Variants in MROH1 observed in about 807,000 individuals in gnomAD.
MROH1 encodes the protein maestro heat-like repeat-containing protein family member 1.
MROH1 carries 117 observed loss-of-function variants against 116.5 expected under a neutral mutation model. That is an observed-to-expected ratio of 1.00 (90% confidence interval 0.86 to 1.17). The LOEUF (loss-of-function observed/expected upper bound fraction) is 1.17. Among genes scored for constraint, MROH1 ranks in the 50% most tolerant of loss-of-function variants. The pLI, the probability that MROH1 is intolerant of heterozygous loss-of-function variation, is 0.00. For missense variants in MROH1, 1,873 were observed against 1,338.5 expected (o/e 1.40, Z -6.23); for synonymous variants, 921 against 583.9 (o/e 1.58, Z -8.32).
chr8:144,250,438 C>T, intron 33 of MROH1, 72 bp downstream of exon 33: 2 of 708,330 alleles, frequency 2.8e-6, no homozygotes, highest in Non-Finnish European at 5.2e-6. Flanking sequence ...GCTCCCCGAG[C>T]CCTCCACCCG....
chr8:144,223,943 G>T (rs1373621989), intron 14 of MROH1, among the ~76,000 whole-genome samples: 2 of 152,232 alleles, frequency 1.3e-5, no homozygotes, highest in South Asian at 2.1e-4. Flanking sequence ...AAACATCTGA[G>T]CTCAGTGACT....
intron 22 of MROH1, among the ~76,000 whole-genome samples, chr8:144,241,862 G>A (rs1841048391): frequency 6.6e-6 from 1 of 152,234 alleles, no homozygotes; most frequent in African/African-American, 2.4e-5. Context: ...CCTAAGCCTG[G>A]TTTAAGGAAG....
intron 14 of MROH1, 74 bp downstream of exon 14, chr8:144,223,304 G>A (rs1411688440): frequency 6.6e-7 from 1 of 1,521,842 alleles, no homozygotes; most frequent in African/African-American, 1.4e-5. Context: ...GGCATCAGGA[G>A]CCACTGGCCC....
rs987767921 is a variant in MROH1, at chr8:144,261,697, C to A, written c.4883C>A (p.Thr1628Lys). The A allele has an allele frequency of 1.4e-6, 1 of 728,136 alleles. No individual in the cohort carries two copies. Among genetic ancestry groups the A allele is most frequent in the Non-Finnish European group, 2.5e-6 (1 of 400,196 alleles). The allele number at this position is 728,136 out of a possible 1,614,324, so 45.1% of individuals were successfully genotyped here. The change falls in exon 44 of 44, where the codon ACG becomes AAG. Residue 1628 changes from threonine (T) to lysine (K), a missense_variant. Coordinates refer to ENST00000326134, the MANE Select transcript of MROH1 (RefSeq NM_032450.3). ...AAGGACCCGGCCCCCGAGGTGCGGA[C>A]GAGGGCTGCTGAGGCCCTGGGCCGC... ...LLKDPAPEVR[T>K]RAAEALGRLV...
chr8:144,186,544 C>A (rs938135721), intron 7 of MROH1, among the ~76,000 whole-genome samples: 1 of 152,200 alleles, frequency 6.6e-6, no homozygotes, highest in African/African-American at 2.4e-5. Flanking sequence ...GTTTCAGGTG[C>A]CTTTGCTGGG....
chr8:144,244,448 T>C lies in MROH1; in HGVS notation c.2675T>C (p.Leu892Pro), dbSNP rs1841543216. 1.3e-6 allele frequency: 1 copy of C among 762,636 alleles called. No individual in the cohort carries two copies. The highest frequency in any genetic ancestry group is 2.4e-6 in the Non-Finnish European group (1 of 409,332). 47.2% of individuals were successfully genotyped at this position (762,636 alleles called of 1,614,324 possible). ...KEEDGGCQKS[L>P]YLETLHALED... The stretch of plus-strand genomic sequence containing the variant: ...ACGGCCTGGCTCTCCTTCCAGTCCC[T>C]GTATCTGGAGACACTGCACGCCCTT... Residue 892 changes from leucine to proline, a missense_variant, in exon 28 of 44, where the codon CTG (leucine) becomes CCG (proline). Coordinates refer to ENST00000326134, the MANE Select transcript of MROH1 (RefSeq NM_032450.3).
In MROH1 at chr8:144,179,403, T is replaced by C. The variant is rs1587932945; in HGVS notation, c.169-52T>C. ...TAGAGACAGTGACAGGCACTCAGAG[T>C]GTCTGGGTGTGGGGCTCACCTGGGA... is the stretch of plus-strand genomic sequence containing the variant. On this transcript the variant is annotated intron_variant, in intron 4 of 43. Coordinates refer to ENST00000326134, the MANE Select transcript of MROH1 (RefSeq NM_032450.3). The C allele has an allele frequency of 3.1e-6, 5 of 1,600,160 alleles. No individual in the cohort carries two copies. In the East Asian group the frequency reaches 9.0e-5, roughly 29 times the overall value.
chr8:144,241,643 G>A, intron 22 of MROH1, 126 bp downstream of exon 22: 1 of 744,672 alleles, frequency 1.3e-6, no homozygotes, highest in Non-Finnish European at 2.5e-6. Flanking sequence ...TTTTGCTCCT[G>A]CATTCCTTCC....
intron 2 of MROH1, among the ~76,000 whole-genome samples, chr8:144,161,505 A>G (rs1819520380): frequency 6.6e-6 from 1 of 152,128 alleles, no homozygotes; most frequent in Non-Finnish European, 1.5e-5. Context: ...GCTGGGCCCT[A>G]GGACTGGGTC....
chr8:144,247,084 C>T (rs969870650), intron 29 of MROH1, among the ~76,000 whole-genome samples: 35 of 117,856 alleles, frequency 3.0e-4, no homozygotes, highest in South Asian at 2.1e-3. Flanking sequence ...CTGGTGTAGA[C>T]GAGGTGTGGT....
rs995278875 is a variant in MROH1 at position 144,240,287 on chromosome 8, A to G, written c.1827+134A>G. ...GCTGGGGAGCCAAGGATCAGGCAGC[A>G]TCAAGGCTGAAGACCCCAGCAGCCT... On this transcript the variant is annotated intron_variant, in intron 19 of 43. Coordinates refer to ENST00000326134, the MANE Select transcript of MROH1 (RefSeq NM_032450.3). The G allele has an allele frequency of 0.03, 19,356 of 635,742 alleles. 2,816 individuals carry two copies. In the African/African-American group the frequency reaches 0.31, roughly 10 times the overall value. 39.4% of individuals were successfully genotyped at this position (635,742 alleles called of 1,614,324 possible). A position where few individuals can be genotyped will look rare whatever the true frequency, so the allele number is the denominator to read the frequency against.
At chr8:144,178,141 G>A (rs1271051448) in intron 4 of MROH1, among the ~76,000 whole-genome samples, 2 of 130,058 alleles carry the variant, frequency 1.5e-5, no homozygotes, top group East Asian at 4.3e-4. Context: ...TGTTTTTTGT[G>A]TTTTTTTTTT....
At chr8:144,176,213 A>G (rs1000054419) in intron 4 of MROH1, among the ~76,000 whole-genome samples, 2 of 146,236 alleles carry the variant, frequency 1.4e-5, no homozygotes, top group Non-Finnish European at 3.0e-5. Context: ...CTGAAAATAC[A>G]AAAAAAAAAA....
chr8:144,161,369 G>T (rs952909655), intron 2 of MROH1, among the ~76,000 whole-genome samples: 9 of 152,144 alleles, frequency 5.9e-5, no homozygotes, highest in African/African-American at 1.7e-4. Context: ...GAGTGCCCAG[G>T]GAACCCGCTG....
rs548730470 is a variant in MROH1 at position 144,174,644 on chromosome 8, G to T, written c.169-4811G>T. Among the ~76,000 whole-genome samples, 551 of 152,066 alleles carry T rather than the reference G, an allele frequency of 3.6e-3. 6 individuals carry two copies. Among genetic ancestry groups the T allele is most frequent in the South Asian group, 0.032 (153 of 4,802 alleles). ...GACCACAGGCGCACCACCACACCTG[G>T]CTAATTGTTTTTATTTTTTGTAGAA... On this transcript the variant is annotated intron_variant, in intron 4 of 43. Transcript: ENST00000326134.
intron 14 of MROH1, among the ~76,000 whole-genome samples, chr8:144,235,812 G>A (rs2132759007): frequency 6.6e-6 from 1 of 152,234 alleles, no homozygotes; most frequent in South Asian, 2.1e-4. Context: ...TATGATATTT[G>A]TAATCTGTAC....
At chr8:144,216,977 C>T (rs192666102) in intron 12 of MROH1, among the ~76,000 whole-genome samples, 142 of 152,220 alleles carry the variant, frequency 9.3e-4, no homozygotes, top group Non-Finnish European at 1.6e-3. Context: ...TGTGAGCCAT[C>T]GCGCCTGGCC....
chr8:144,259,561 CCGAGGCTCCCTGCAGCCTGTA>C (rs1844585775), intron 37 of MROH1, among the ~76,000 whole-genome samples: 2 of 152,216 alleles, frequency 1.3e-5, no homozygotes, highest in Non-Finnish European at 2.9e-5. Context: ...GAGAGGAGGA[CCGAGGCTCCCTGCAGCCTGTA>C]CTCTCCCCAA....
intron 14 of MROH1, among the ~76,000 whole-genome samples, chr8:144,235,461 C>A (rs931318846): frequency 6.6e-6 from 1 of 152,090 alleles, no homozygotes; most frequent in African/African-American, 2.4e-5. Context: ...GCATTTAGGC[C>A]GGTACCATCA....
Sources: allele counts gnomAD v4.1 joint callset (sites outside exome capture counted in the v4.1 genomes callset), GRCh38; gene constraint gnomAD v4.1.1; transcripts MANE v1.5; gene names NCBI Gene and HGNC (gene_info 2026-07-23, HGNC 2026-07-21).